Variants in SPAG16 observed in about 807,000 individuals in gnomAD.
The protein encoded by SPAG16 is sperm-associated antigen 16 protein.
Under a neutral mutation model 80.4 loss-of-function variants are expected in SPAG16, and 86 were observed. That is an observed-to-expected ratio of 1.07 (90% CI 0.90 to 1.28). The LOEUF (loss-of-function observed/expected upper bound fraction) is 1.28. Ranked by LOEUF, SPAG16 falls within the 50% of genes most tolerant of loss-of-function variation. The pLI is 0.00. For missense variants in SPAG16, 870 were observed against 765.3 expected (o/e 1.14, Z -1.61); for synonymous variants, 294 against 265.9 (o/e 1.11, Z -1.03).
intron 10 of SPAG16, among the ~76,000 whole-genome samples, chr2:213,698,359 T>A (rs1479902791): frequency 6.6e-6 from 1 of 152,118 alleles, no homozygotes; most frequent in East Asian, 1.9e-4. Flanking sequence ...CCTCCCGGGC[T>A]CAAGTAATCC....
At chr2:213,602,946 T>G (rs2061120490) in intron 10 of SPAG16, among the ~76,000 whole-genome samples, 3 of 152,258 alleles carry the variant, frequency 2.0e-5, no homozygotes, top group Admixed American at 2.0e-4. Context: ...ATTCAGGTGT[T>G]TAATTCACTT....
At chr2:214,163,591 CACACATATATACATATATATAT>C (rs1215996450) in intron 15 of SPAG16, among the ~76,000 whole-genome samples, 2 of 145,532 alleles carry the variant, frequency 1.4e-5, no homozygotes, top group Non-Finnish European at 3.0e-5. Context: ...TATATATACA[CACACATATATACATATATATAT>C]ACACACATAT....
chr2:214,133,127 AAT>A (rs1491582761), intron 14 of SPAG16, among the ~76,000 whole-genome samples: 7 of 19,094 alleles, frequency 3.7e-4, no homozygotes, highest in East Asian at 4.7e-3. Flanking sequence ...AATAAATAAT[AAT>A]AAAAAAAAAA....
intron 9 of SPAG16, among the ~76,000 whole-genome samples, chr2:213,438,367 A>G (rs889600878): frequency 2.0e-5 from 3 of 152,222 alleles, no homozygotes; most frequent in African/African-American, 4.8e-5. Context: ...CATGTGTTCA[A>G]TTCAAGGCGT....
intron 12 of SPAG16, among the ~76,000 whole-genome samples, chr2:214,009,932 T>C (rs973291443): frequency 5.9e-5 from 9 of 151,986 alleles, no homozygotes; most frequent in African/African-American, 2.2e-4. Context: ...ATTGCAAAAA[T>C]TGAAGAGTAA....
At chr2:214,252,543 T>C (rs1259494175) in intron 15 of SPAG16, among the ~76,000 whole-genome samples, 1 of 151,500 alleles carries the variant, frequency 6.6e-6, no homozygotes, top group Non-Finnish European at 1.5e-5. Context: ...AGAATGTGTG[T>C]TTTTTGGTTT....
At chr2:214,023,639 G>C (rs530335554) in intron 13 of SPAG16, among the ~76,000 whole-genome samples, 1 of 151,834 alleles carries the variant, frequency 6.6e-6, no homozygotes, top group South Asian at 2.1e-4. Context: ...TAAAAACATT[G>C]TATCTTAAAT....
At chr2:213,462,811 A>G (rs536767278) in intron 9 of SPAG16, among the ~76,000 whole-genome samples, 3 of 152,312 alleles carry the variant, frequency 2.0e-5, no homozygotes, top group African/African-American at 7.2e-5. Context: ...GTATTTCTTC[A>G]TAGCAATGTG....
intron 15 of SPAG16, among the ~76,000 whole-genome samples, chr2:214,380,433 C>CT: frequency 6.6e-6 from 1 of 152,216 alleles, no homozygotes; most frequent in South Asian, 2.1e-4. Flanking sequence ...TTGCTTCTGC[C>CT]TTATTGTTCA....
At chr2:213,377,425 A>G (rs1235733961) in intron 9 of SPAG16, among the ~76,000 whole-genome samples, 1 of 152,210 alleles carries the variant, frequency 6.6e-6, no homozygotes, top group Admixed American at 6.5e-5. Context: ...GCTTCATGAA[A>G]TTATTAGTCA....
intron 9 of SPAG16, among the ~76,000 whole-genome samples, chr2:213,475,024 G>A (rs1440747447): frequency 1.3e-5 from 2 of 152,126 alleles, no homozygotes; most frequent in Admixed American, 6.6e-5. Context: ...TTTTCCAATT[G>A]TATAAAGCTC....
chr2:214,129,341 T>C (rs1373506806), intron 14 of SPAG16, among the ~76,000 whole-genome samples: 2 of 152,176 alleles, frequency 1.3e-5, no homozygotes, highest in East Asian at 3.9e-4. Context: ...TAGTCTTCTC[T>C]GGCTGACTTC....
At chr2:213,587,334 GAGCCATACCTGGGTC>G (rs1389472120) in intron 10 of SPAG16, among the ~76,000 whole-genome samples, 44 of 152,222 alleles carry the variant, frequency 2.9e-4, no homozygotes, top group African/African-American at 4.3e-4. Flanking sequence ...GGGTCAGCTG[GAGCCATACCTGGGTC>G]AGCCATACCT....
chr2:213,860,452 T>G (rs1254760310), intron 10 of SPAG16, among the ~76,000 whole-genome samples: 1 of 122,766 alleles, frequency 8.1e-6, no homozygotes, highest in Admixed American at 8.6e-5. Context: ...GATATATGTA[T>G]ATATATACAG....
intron 8 of SPAG16, among the ~76,000 whole-genome samples, chr2:213,369,353 A>G (rs2066506299): frequency 1.3e-5 from 2 of 152,234 alleles, no homozygotes; most frequent in African/African-American, 4.8e-5. Flanking sequence ...CTCAGAAGAA[A>G]AGTGACTGAT....
At chr2:213,295,931 G>T in intron 1 of SPAG16, 133 bp from the exon 2 acceptor site, 1 of 631,118 alleles carries the variant, frequency 1.6e-6, no homozygotes. Flanking sequence ...ATTTTTTAAA[G>T]ATTAAATTAT....
In SPAG16 at chr2:213,375,694, T is replaced by C. The variant is rs1300082263; in HGVS notation, c.942+575T>C. Among the ~76,000 whole-genome samples the C allele has an allele frequency of 2.8e-4, 42 of 152,008 alleles. 1 individual carries two copies. On this transcript the variant is annotated intron_variant, in intron 9 of 15. Coordinates refer to ENST00000331683, the MANE Select transcript of SPAG16 (RefSeq NM_024532.5). ...GAGTTTAGTTTATTGTTTTGAAAAT[T>C]ACATAAAAGTCTAGCTCAGGTAATG...
At chr2:214,328,856 T>G (rs537868196) in intron 15 of SPAG16, among the ~76,000 whole-genome samples, 1 of 152,310 alleles carries the variant, frequency 6.6e-6, no homozygotes, top group South Asian at 2.1e-4. Flanking sequence ...CATTGACTAC[T>G]TATTAGGTTC....
At chr2:214,179,068 C>G (rs2057226167) in intron 15 of SPAG16, among the ~76,000 whole-genome samples, 1 of 151,330 alleles carries the variant, frequency 6.6e-6, no homozygotes, top group Non-Finnish European at 1.5e-5. Flanking sequence ...ACTCTAATCA[C>G]TTCTCTACTT....
Sources: allele counts gnomAD v4.1 joint callset (sites outside exome capture counted in the v4.1 genomes callset), GRCh38; gene constraint gnomAD v4.1.1; transcripts MANE v1.5; gene names NCBI Gene and HGNC (gene_info 2026-07-23, HGNC 2026-07-21).